Variants in ANP32A observed in about 807,000 individuals in gnomAD.
The protein encoded by ANP32A is acidic leucine-rich nuclear phosphoprotein 32 family member A.
ANP32A carries 1 observed loss-of-function variant against 33.9 expected under a neutral mutation model. The observed-to-expected ratio is 0.03, with a 90% confidence interval of 0.01 to 0.14. ANP32A has a LOEUF of 0.14. Among genes scored for constraint, ANP32A ranks in the 10% least tolerant of loss-of-function variants. ANP32A has a pLI of 1.00. For synonymous variants in ANP32A, 115 were observed against 120.5 expected (o/e 0.95, Z 0.30); for missense variants, 155 against 306.0 (o/e 0.51, Z 3.68).
At chr15:68,814,921 G>A (rs888705159) in intron 1 of ANP32A, among the ~76,000 whole-genome samples, 1 of 152,184 alleles carries the variant, frequency 6.6e-6, no homozygotes, top group Non-Finnish European at 1.5e-5. Context: ...TCTCTGAGAT[G>A]ACATCTAGAA....
chr15:68,782,739 T>C (rs1893885148), intron 5 of ANP32A: 1 of 809,352 alleles, frequency 1.2e-6, no homozygotes, highest in Admixed American at 3.1e-5. Flanking sequence ...TAAAATCCTC[T>C]TCCCCTCTTC....
chr15:68,794,559 A>C (rs1157705035), intron 1 of ANP32A, among the ~76,000 whole-genome samples: 2 of 152,226 alleles, frequency 1.3e-5, no homozygotes, highest in Non-Finnish European at 1.5e-5. Context: ...CGTGGGTTTT[A>C]AATAGGTCAG....
At chr15:68,803,284 C>T (rs1283085046) in intron 1 of ANP32A, among the ~76,000 whole-genome samples, 2 of 152,284 alleles carry the variant, frequency 1.3e-5, no homozygotes, top group Middle Eastern at 3.4e-3. Context: ...AAGGACCACA[C>T]AAAGCTCATG....
rs1264752053 is a variant in ANP32A at position 68,787,405 on chromosome 15, T to A, written c.327+8A>T. On this transcript the variant is annotated splice_region_variant and intron_variant, in intron 3 of 6. Coordinates refer to ENST00000465139, the MANE Select transcript of ANP32A (RefSeq NM_006305.4). ...CCCTGCAGGGAGGGGAGGGTCCGAA[T>A]GACTTACCAGTGGCTCTATTGTGCT... 1 of 1,614,190 alleles carries A rather than the reference T, an allele frequency of 6.2e-7. No individual in the cohort carries two copies. The highest frequency in any genetic ancestry group is 1.1e-5 in the South Asian group (1 of 91,080).
intron 1 of ANP32A, among the ~76,000 whole-genome samples, chr15:68,810,752 T>C (rs946706265): frequency 6.6e-6 from 1 of 152,022 alleles, no homozygotes; most frequent in African/African-American, 2.4e-5. Context: ...AGAGCATCTA[T>C]CATAAAGTCA....
At chr15:68,795,987 T>C (rs1894059019) in intron 1 of ANP32A, among the ~76,000 whole-genome samples, 1 of 152,096 alleles carries the variant, frequency 6.6e-6, no homozygotes, top group South Asian at 2.1e-4. Flanking sequence ...GGGTTTTGGG[T>C]CTAGCTTTGC....
intron 4 of ANP32A, 93 bp downstream of exon 4, chr15:68,784,304 C>A (rs1893905613): frequency 6.9e-7 from 1 of 1,446,498 alleles, no homozygotes. Context: ...GGGGGCCTCC[C>A]AACACCCAGC....
chr15:68,802,581 AC>A (rs1180176988), intron 1 of ANP32A, among the ~76,000 whole-genome samples: 1 of 152,244 alleles, frequency 6.6e-6, no homozygotes, highest in Non-Finnish European at 1.5e-5. Context: ...CACCTAGCTT[AC>A]GGATAAGAGC....
At chr15:68,811,729 C>A (rs572254687) in intron 1 of ANP32A, among the ~76,000 whole-genome samples, 2 of 152,118 alleles carry the variant, frequency 1.3e-5, no homozygotes, top group Non-Finnish European at 2.9e-5. Context: ...AATGTGTCTG[C>A]GGATAATGTA....
intron 1 of ANP32A, among the ~76,000 whole-genome samples, chr15:68,800,502 T>C (rs1300522620): frequency 2.0e-5 from 3 of 150,512 alleles, no homozygotes; most frequent in African/African-American, 7.3e-5. Flanking sequence ...CCCAGCACTT[T>C]GGGAGGCCGA....
At position 68,807,478 on chromosome 15, in the gene ANP32A, C is replaced by T. The variant is rs950602835; in HGVS notation, c.54+13220G>A. 1.9e-4 allele frequency among the ~76,000 whole-genome samples: 29 copies of T among 151,878 alleles called. 1 individual carries two copies. Among genetic ancestry groups the T allele is most frequent in the Admixed American group, 2.6e-4 (4 of 15,248 alleles). ...CCAGAGCCTCCCTGCCCCTCCCCTC[C>T]GCTTCACAGCTCCAGGCGAGGCCTC... On this transcript the variant is annotated intron_variant, in intron 1 of 6. Coordinates refer to ENST00000465139, the MANE Select transcript of ANP32A (RefSeq NM_006305.4).
At chr15:68,787,969 C>T in intron 1 of ANP32A, 50 bp from the exon 2 acceptor site, 1 of 1,611,746 alleles carries the variant, frequency 6.2e-7, no homozygotes, top group Non-Finnish European at 8.5e-7. Context: ...GGGGCTGAAG[C>T]AGGGGGAGGG....
At chr15:68,818,345 C>T (rs973866076) in intron 1 of ANP32A, 27 of 190,084 alleles carry the variant, frequency 1.4e-4, no homozygotes, top group Admixed American at 1.4e-3. Context: ...CCAGGGGCAG[C>T]GCGGCGGGGA....
In ANP32A at chr15:68,780,567, C is replaced by A. The variant is rs542314942; in HGVS notation, c.625-94G>T. 6.1e-5 allele frequency: 94 copies of A among 1,548,354 alleles called. No homozygotes were observed. Among genetic ancestry groups the A allele is most frequent in the Admixed American group, 5.2e-4 (24 of 46,484 alleles). On this transcript the variant is annotated intron_variant, in intron 5 of 6. Coordinates refer to ENST00000465139, the MANE Select transcript of ANP32A (RefSeq NM_006305.4). The surrounding 1 kb of genome is among the most constrained non-coding windows in gnomAD (Gnocchi z 4.3). ...AGAGCACAAAAAGGCCGGGGTCACCCCCAGCCTCTCAGAGCCCCCACCAAG... is the reference window on the plus strand; with the variant it reads ...AGAGCACAAAAAGGCCGGGGTCACCACCAGCCTCTCAGAGCCCCCACCAAG...
chr15:68,796,496 T>C (rs1171901912), intron 1 of ANP32A, among the ~76,000 whole-genome samples: 1 of 152,200 alleles, frequency 6.6e-6, no homozygotes, highest in Non-Finnish European at 1.5e-5. Flanking sequence ...ATTACAGGCA[T>C]GAGCCACCAC....
chr15:68,802,345 T>C (rs1039972599), intron 1 of ANP32A, among the ~76,000 whole-genome samples: 3 of 152,204 alleles, frequency 2.0e-5, no homozygotes, highest in Admixed American at 6.5e-5. Context: ...TTCTTCTCTC[T>C]TTTATTAAAA....
intron 1 of ANP32A, among the ~76,000 whole-genome samples, chr15:68,803,005 C>T (rs1402636328): frequency 2.0e-5 from 3 of 152,132 alleles, no homozygotes; most frequent in Non-Finnish European, 2.9e-5. Context: ...TCATTCAATA[C>T]ACGCTCCTCA....
intron 1 of ANP32A, among the ~76,000 whole-genome samples, chr15:68,801,695 A>C (rs887565131): frequency 6.6e-6 from 1 of 152,234 alleles, no homozygotes; most frequent in Non-Finnish European, 1.5e-5. Context: ...AAAAGCATTA[A>C]AAATAACCCG....
intron 1 of ANP32A, among the ~76,000 whole-genome samples, chr15:68,809,523 T>C (rs904673286): frequency 2.6e-5 from 4 of 152,208 alleles, no homozygotes; most frequent in Non-Finnish European, 4.4e-5. Context: ...TATTTATAGG[T>C]AGTGTATGTG....
Sources: gnomAD v4.1 joint callset for allele counts (sites outside exome capture counted in the v4.1 genomes callset) on GRCh38, gnomAD v4.1.1 for gene constraint, Gnocchi (gnomAD v3.1) non-coding constraint, MANE v1.5 for transcripts, NCBI Gene and HGNC (gene_info 2026-07-23, HGNC 2026-07-21) for gene names.